Variants in JAZF1 observed in about 807,000 individuals in gnomAD.
JAZF1 encodes the protein JAZF zinc finger 1, also known as juxtaposed with another zinc finger protein 1.
JAZF1 carries 8 observed loss-of-function variants against 26.4 expected under a neutral mutation model. That is an observed-to-expected ratio of 0.30 (90% CI 0.18 to 0.55). The LOEUF (loss-of-function observed/expected upper bound fraction) is 0.55. Among genes scored for constraint, JAZF1 ranks in the 20% least tolerant of loss-of-function variants. The pLI, the probability that JAZF1 is intolerant of heterozygous loss-of-function variation, is 0.94. For synonymous variants in JAZF1, 126 were observed against 122.3 expected, an observed-to-expected ratio of 1.03 and a Z score of -0.20; for missense variants, 199 against 322.0, an observed-to-expected ratio of 0.62 and a Z score of 2.92.
chr7:28,133,641 T>C (rs1782834701), intron 1 of JAZF1, among the ~76,000 whole-genome samples: 1 of 152,214 alleles, frequency 6.6e-6, no homozygotes, highest in Non-Finnish European at 1.5e-5. Context: ...TGTAGGAACC[T>C]GTCCACTGTC....
chr7:28,077,871 T>A (rs1008818462), intron 1 of JAZF1, among the ~76,000 whole-genome samples: 3 of 152,166 alleles, frequency 2.0e-5, no homozygotes, highest in Admixed American at 6.5e-5. Flanking sequence ...GAAGTGGTAA[T>A]TTGGATTATG....
rs1210012957 is a variant in JAZF1 at position 28,180,666 on chromosome 7, A to C, written c.-89T>G. 4 of 133,950 alleles carry C rather than the reference A, an allele frequency of 3.0e-5. No homozygotes were observed. The highest frequency in any genetic ancestry group is 1.4e-4 in the East Asian group (1 of 7,204). The allele number at this position is 133,950 out of a possible 1,614,324, so 8.3% of individuals were successfully genotyped here. On this transcript the variant is annotated 5_prime_UTR_variant, in exon 1 of 5. Transcript: ENST00000283928. ...GGAGGCCGGGTGGGGTGAGGAGAGGAGGGGCTGGGGGAGGGGGAGAGAGGC... is the reference window on the plus strand; with the variant it reads ...GGAGGCCGGGTGGGGTGAGGAGAGGCGGGGCTGGGGGAGGGGGAGAGAGGC...
At chr7:27,970,860 C>T (rs1453076497) in intron 2 of JAZF1, among the ~76,000 whole-genome samples, 2 of 152,152 alleles carry the variant, frequency 1.3e-5, no homozygotes, top group Non-Finnish European at 2.9e-5. Flanking sequence ...TTAGTTAATT[C>T]CAAAACACTA....
At chr7:27,912,631 A>T (rs1029604038) in intron 2 of JAZF1, among the ~76,000 whole-genome samples, 2 of 152,198 alleles carry the variant, frequency 1.3e-5, no homozygotes, top group African/African-American at 4.8e-5. Context: ...GGTTAAAATT[A>T]AAACAAAAAC....
intron 1 of JAZF1, among the ~76,000 whole-genome samples, chr7:28,159,339 T>A (rs547116802): frequency 2.4e-4 from 37 of 151,784 alleles, no homozygotes; most frequent in African/African-American, 8.7e-4. Flanking sequence ...ATTTTTAATA[T>A]AACAAATTTT....
At chr7:27,898,304 T>TATATATATATATATATATACAC (rs375859244) in intron 2 of JAZF1, among the ~76,000 whole-genome samples, 37 of 128,924 alleles carry the variant, frequency 2.9e-4, no homozygotes, top group South Asian at 9.6e-4. Flanking sequence ...TATATATATA[T>TATATATATATATATATATACAC]ACATCGGTTT....
intron 1 of JAZF1, among the ~76,000 whole-genome samples, chr7:28,126,449 T>C (rs1321997584): frequency 6.7e-6 from 1 of 150,274 alleles, no homozygotes; most frequent in Non-Finnish European, 1.5e-5. Flanking sequence ...GGGGACCACT[T>C]TGGATAAGGT....
At chr7:27,894,910 C>T (rs925538959) in intron 3 of JAZF1, among the ~76,000 whole-genome samples, 22 of 151,940 alleles carry the variant, frequency 1.4e-4, no homozygotes, top group African/African-American at 5.1e-4. Flanking sequence ...AGTTGTAAAT[C>T]GGGTGATGAA....
intron 3 of JAZF1, among the ~76,000 whole-genome samples, chr7:27,862,879 G>T (rs1355849824): frequency 6.6e-6 from 1 of 152,176 alleles, no homozygotes; most frequent in Non-Finnish European, 1.5e-5. Context: ...TTTCTAGCAA[G>T]AACAAAAGTT....
chr7:28,070,889 A>G (rs1783964863), intron 1 of JAZF1, among the ~76,000 whole-genome samples: 1 of 152,234 alleles, frequency 6.6e-6, no homozygotes, highest in Admixed American at 6.5e-5. Flanking sequence ...GAGGGCACAG[A>G]CTGTGGTTTT....
intron 3 of JAZF1, among the ~76,000 whole-genome samples, chr7:27,847,362 A>G (rs1208143558): frequency 6.6e-6 from 1 of 151,904 alleles, no homozygotes. Flanking sequence ...ATTCATTGAC[A>G]AGGCTAATGT....
In JAZF1 at chr7:27,840,229, G is replaced by C. The variant is rs984504908; in HGVS notation, c.555+469C>G. On this transcript the variant is annotated intron_variant, in intron 4 of 4. Transcript: ENST00000283928. This position sits in a 1 kb window ranked among gnomAD's most constrained non-coding sequence, Gnocchi z 5.1. ...AAGGAAGCAAGAACTTCCTCAGCTG[G>C]AAGCTAAATACCCTCCACACTCACC... Among the ~76,000 whole-genome samples, 1 of 152,194 alleles carries C rather than the reference G, an allele frequency of 6.6e-6. No homozygotes were observed. Among genetic ancestry groups the C allele is most frequent in the Non-Finnish European group, 1.5e-5 (1 of 68,038 alleles).
At chr7:28,044,206 A>C (rs1327713315) in intron 1 of JAZF1, among the ~76,000 whole-genome samples, 1 of 152,170 alleles carries the variant, frequency 6.6e-6, no homozygotes, top group Non-Finnish European at 1.5e-5. Flanking sequence ...GAAGACCATA[A>C]AATATATCTC....
intron 1 of JAZF1, among the ~76,000 whole-genome samples, chr7:28,084,040 AT>A (rs1784177589): frequency 1.3e-5 from 2 of 152,214 alleles, no homozygotes; most frequent in African/African-American, 4.8e-5. Flanking sequence ...TCATGGGTAT[AT>A]TTTGATAAAT....
At chr7:28,167,967 G>C (rs140983754) in intron 1 of JAZF1, among the ~76,000 whole-genome samples, 1 of 152,112 alleles carries the variant, frequency 6.6e-6, no homozygotes, top group Non-Finnish European at 1.5e-5. Flanking sequence ...CCATTCATAC[G>C]TGCTTCATTA....
At chr7:27,892,437 ACT>A (rs1783989073) in intron 3 of JAZF1, among the ~76,000 whole-genome samples, 1 of 152,014 alleles carries the variant, frequency 6.6e-6, no homozygotes, top group Non-Finnish European at 1.5e-5. Flanking sequence ...AAAATAATAA[ACT>A]CTCACTTTTA....
intron 2 of JAZF1, among the ~76,000 whole-genome samples, chr7:27,973,096 T>C (rs1392352035): frequency 6.6e-6 from 1 of 152,046 alleles, no homozygotes; most frequent in African/African-American, 2.4e-5. Flanking sequence ...CGTTAACATT[T>C]GTTAACTTGG....
chr7:27,939,813 G>A (rs1784816070), intron 2 of JAZF1, among the ~76,000 whole-genome samples: 1 of 152,180 alleles, frequency 6.6e-6, no homozygotes, highest in Non-Finnish European at 1.5e-5. Flanking sequence ...AACCCCTTCA[G>A]AATTCAGATG....
Position 27,952,039 on chromosome 7 carries a change from G to A in JAZF1, c.188+39870C>T, listed in dbSNP as rs529245641. On this transcript the variant is annotated intron_variant, in intron 2 of 4. Coordinates refer to ENST00000283928, the MANE Select transcript of JAZF1 (RefSeq NM_175061.4). ...CCTGTAGGATGAGAAACTGGTTAATGACTAGGCAGGTGGGGTGGGCACTCA... is the reference window on the plus strand; with the variant it reads ...CCTGTAGGATGAGAAACTGGTTAATAACTAGGCAGGTGGGGTGGGCACTCA... Among the ~76,000 whole-genome samples, 19 of 152,324 alleles carry A rather than the reference G, an allele frequency of 1.2e-4. No individual in the cohort carries two copies. In the East Asian group the frequency reaches 2.3e-3, roughly 19 times the overall value.
Sources: gnomAD v4.1 joint callset for allele counts (sites outside exome capture counted in the v4.1 genomes callset) on GRCh38, gnomAD v4.1.1 for gene constraint, Gnocchi (gnomAD v3.1) non-coding constraint, MANE v1.5 for transcripts, NCBI Gene and HGNC (gene_info 2026-07-23, HGNC 2026-07-21) for gene names.